The following SKI variants were observed in gnomAD, a reference collection of about 807,000 sequenced individuals.
SKI encodes the protein SKI proto-oncogene.
SKI carries 23 observed loss-of-function variants against 59.3 expected under a neutral mutation model. That is an observed-to-expected ratio of 0.39 (90% CI 0.28 to 0.55). SKI has a LOEUF of 0.55. Among genes scored for constraint, SKI ranks in the 20% least tolerant of loss-of-function variants. The pLI is 0.67. For synonymous variants in SKI, 673 were observed against 488.6 expected (o/e 1.38, Z -4.98); for missense variants, 1,017 against 1,038.9 (o/e 0.98, Z 0.29).
intron 1 of SKI, among the ~76,000 whole-genome samples, chr1:2,301,167 C>G (rs964541692): frequency 2.0e-5 from 3 of 152,172 alleles, no homozygotes; most frequent in Admixed American, 6.5e-5. Flanking sequence ...CGGGAGGGTC[C>G]GCATGATTCC....
At chr1:2,262,097 C>T (rs1482429058) in intron 1 of SKI, among the ~76,000 whole-genome samples, 2 of 114,168 alleles carry the variant, frequency 1.8e-5, no homozygotes, top group Non-Finnish European at 3.4e-5. Flanking sequence ...AGTGGACACC[C>T]TCGCTCCTGA....
chr1:2,274,366 A>C (rs534484198), intron 1 of SKI, among the ~76,000 whole-genome samples: 3 of 152,102 alleles, frequency 2.0e-5, no homozygotes, highest in Non-Finnish European at 4.4e-5. Flanking sequence ...AGGCCCCCAT[A>C]TGCTGGGTTT....
intron 1 of SKI, among the ~76,000 whole-genome samples, chr1:2,263,234 ATTT>A (rs35975887): frequency 1.8e-3 from 219 of 118,450 alleles, no homozygotes; most frequent in Admixed American, 2.0e-3. Flanking sequence ...TTTGCTTAGA[ATTT>A]TTTTTTTTTT....
intron 1 of SKI, among the ~76,000 whole-genome samples, chr1:2,263,620 G>GTGTT (rs1459627681): frequency 6.6e-6 from 1 of 151,920 alleles, no homozygotes; most frequent in East Asian, 1.9e-4. Context: ...TCTGGTTTTG[G>GTGTT]TGTTAACAGA....
At chr1:2,305,193 G>A (rs971862312) in intron 5 of SKI, among the ~76,000 whole-genome samples, 2 of 152,180 alleles carry the variant, frequency 1.3e-5, no homozygotes, top group Non-Finnish European at 1.5e-5. Context: ...CGGTTCTCAC[G>A]CTGCAGCTCC....
chr1:2,273,713 C>T (rs1486650698), intron 1 of SKI, among the ~76,000 whole-genome samples: 3 of 152,316 alleles, frequency 2.0e-5, no homozygotes, highest in South Asian at 2.1e-4. Context: ...CTGCAGCCTC[C>T]CCCAGCATTG....
chr1:2,309,051 T>TC lies in SKI; in HGVS notation c.*2289dup, dbSNP rs1431318348. The TC allele has an allele frequency of 6.6e-6, 1 of 152,252 alleles. No homozygotes were observed. Among genetic ancestry groups the TC allele is most frequent in the African/African-American group, 2.4e-5 (1 of 41,436 alleles). The allele number at this position is 152,252 out of a possible 1,614,324, so 9.4% of individuals were successfully genotyped here. A position where few individuals can be genotyped will look rare whatever the true frequency, so the allele number is the denominator to read the frequency against. The stretch of plus-strand genomic sequence containing the variant: ...ACGTGGGCAGGCGAGCTCGGGACCC[T>TC]CCCAGGCAGTTCCCACAGCTCTTGC... On this transcript the variant is annotated 3_prime_UTR_variant, in exon 7 of 7. Coordinates refer to ENST00000378536, the MANE Select transcript of SKI (RefSeq NM_003036.4).
At chr1:2,293,188 C>T (rs937730666) in intron 1 of SKI, among the ~76,000 whole-genome samples, 36 of 152,272 alleles carry the variant, frequency 2.4e-4, no homozygotes, top group African/African-American at 7.9e-4. Flanking sequence ...GGCCACTGTG[C>T]GGAGCGGGGT....
chr1:2,273,640 C>A (rs186813625), intron 1 of SKI, among the ~76,000 whole-genome samples: 1 of 152,276 alleles, frequency 6.6e-6, no homozygotes, highest in African/African-American at 2.4e-5. Flanking sequence ...GTAAGAACAT[C>A]CACGGAGAAG....
At position 2,247,023 on chromosome 1, in the gene SKI, C is replaced by T. The variant is rs542523935; in HGVS notation, c.969+17288C>T. Among the ~76,000 whole-genome samples the T allele has an allele frequency of 1.7e-4, 26 of 152,312 alleles. No homozygotes were observed. The South Asian group carries it at 4.3e-3, about 25-fold the overall frequency. ...GGATCACAAGGTCAGGAGTTCAAGA[C>T]CAGCCTGGCCAATATGGTGAAATCT... On this transcript the variant is annotated intron_variant, in intron 1 of 6. Coordinates refer to ENST00000378536, the MANE Select transcript of SKI (RefSeq NM_003036.4).
At chr1:2,276,248 G>C (rs1383492241) in intron 1 of SKI, among the ~76,000 whole-genome samples, 2 of 144,190 alleles carry the variant, frequency 1.4e-5, no homozygotes, top group Admixed American at 1.5e-4. Context: ...ATCTGTACTT[G>C]GAGGGACAGC....
chr1:2,270,932 G>C lies in SKI; in HGVS notation c.970-32046G>C, dbSNP rs942397969. Among the ~76,000 whole-genome samples the C allele has an allele frequency of 6.6e-6, 1 of 152,226 alleles. No homozygotes were observed. The highest frequency in any genetic ancestry group is 2.4e-5 in the African/African-American group (1 of 41,460). ...GCTGGACCAGCTGCCCATGTCACCA[G>C]GCCAGGCGCTTTCCCTGTGAATGAG... On this transcript the variant is annotated intron_variant, in intron 1 of 6. Coordinates refer to ENST00000378536, the MANE Select transcript of SKI (RefSeq NM_003036.4). The surrounding 1 kb of genome is among the most constrained non-coding windows in gnomAD (Gnocchi z 4.1).
chr1:2,268,670 G>A lies in SKI; in HGVS notation c.970-34308G>A, dbSNP rs1342975817. On this transcript the variant is annotated intron_variant, in intron 1 of 6. Transcript: ENST00000378536. This position sits in a 1 kb window ranked among gnomAD's most constrained non-coding sequence, Gnocchi z 5.0. The stretch of plus-strand genomic sequence containing the variant: ...ATTTTCAGCTTTGACGGAGAAATGA[G>A]GCTTGGAGTCTTTTTCTGGCCTGTG... Among the ~76,000 whole-genome samples, 2 of 152,212 alleles carry A rather than the reference G, an allele frequency of 1.3e-5. No homozygotes were observed. The highest frequency in any genetic ancestry group is 3.9e-4 in the East Asian group (2 of 5,178).
Position 2,280,138 on chromosome 1 carries a change from G to A in SKI, c.970-22840G>A, listed in dbSNP as rs910715306. Among the ~76,000 whole-genome samples the A allele has an allele frequency of 4.3e-4, 65 of 152,036 alleles. 1 individual carries two copies. The highest frequency in any genetic ancestry group is 1.5e-3 in the African/African-American group (63 of 41,376). ...AATCCCAGCACTTTTGGGAGGCCGAGGCGGGTGGCTAATGAGGTCAGGAGT... is the reference window on the plus strand; with the variant it reads ...AATCCCAGCACTTTTGGGAGGCCGAAGCGGGTGGCTAATGAGGTCAGGAGT... On this transcript the variant is annotated intron_variant, in intron 1 of 6. Transcript: ENST00000378536.
At position 2,228,523 on chromosome 1, in the gene SKI, G is replaced by C. The variant is rs1319383857; in HGVS notation, c.-244G>C. On this transcript the variant is annotated 5_prime_UTR_variant, in exon 1 of 7. Coordinates refer to ENST00000378536, the MANE Select transcript of SKI (RefSeq NM_003036.4). ...GCCCGGGCGGCGGCGGGCGCGGCGC[G>C]GGGCGCGTGGATGTGGCGCCGGGCC... Among the ~76,000 whole-genome samples the C allele has an allele frequency of 7.0e-6, 1 of 143,534 alleles. No homozygotes were observed. Among genetic ancestry groups the C allele is most frequent in the African/African-American group, 2.5e-5 (1 of 39,996 alleles). 94.2% of individuals were successfully genotyped at this position (143,534 alleles called of 152,430 possible). A position where few individuals can be genotyped will look rare whatever the true frequency, so the allele number is the denominator to read the frequency against.
At chr1:2,245,063 C>T (rs1219021112) in intron 1 of SKI, among the ~76,000 whole-genome samples, 1 of 152,202 alleles carries the variant, frequency 6.6e-6, no homozygotes, top group Non-Finnish European at 1.5e-5. Flanking sequence ...CAGGCTCAGC[C>T]TTTGTCCCCA....
chr1:2,282,992 C>T (rs6677807), intron 1 of SKI, among the ~76,000 whole-genome samples: 53,001 of 151,994 alleles, frequency 0.35, 9,480 homozygotes, highest in South Asian at 0.48. Flanking sequence ...TGCTGGGAGA[C>T]GGGAGCCAGT....
chr1:2,297,958 G>T (rs1055420728), intron 1 of SKI, among the ~76,000 whole-genome samples: 4 of 152,224 alleles, frequency 2.6e-5, no homozygotes, highest in African/African-American at 7.2e-5. Flanking sequence ...GTGCTGTGTG[G>T]CAGGCCTTGG....
rs531378695 is a variant in SKI at position 2,276,965 on chromosome 1, T to C, written c.970-26013T>C. Among the ~76,000 whole-genome samples, 16 of 152,242 alleles carry C rather than the reference T, an allele frequency of 1.1e-4. No individual in the cohort carries two copies. In the South Asian group the frequency reaches 1.7e-3, roughly 16 times the overall value. On this transcript the variant is annotated intron_variant, in intron 1 of 6. Transcript: ENST00000378536. ...GCTGCTTCCCCACAGGGATGGGGCA[T>C]TGGGGAGATTCCGACACAGCAGGGC...
Sources: allele counts gnomAD v4.1 joint callset (sites outside exome capture counted in the v4.1 genomes callset), GRCh38; gene constraint gnomAD v4.1.1; non-coding constraint Gnocchi (gnomAD v3.1); transcripts MANE v1.5; gene names NCBI Gene and HGNC (gene_info 2026-07-23, HGNC 2026-07-21).